The following PARD3 variants were observed in gnomAD, a reference collection of about 807,000 sequenced individuals.
The protein encoded by PARD3 is par-3 family cell polarity regulator, also known as partitioning defective 3 homolog.
Under a neutral mutation model 155.4 loss-of-function variants are expected in PARD3, and 75 were observed. The observed-to-expected ratio is 0.48, with a 90% CI of 0.40 to 0.58. The LOEUF (loss-of-function observed/expected upper bound fraction) is 0.58. Ranked by LOEUF, PARD3 falls within the 20% of genes least tolerant of loss-of-function variation. PARD3 has a pLI of 0.00. For synonymous variants in PARD3, 576 were observed against 610.5 expected (o/e 0.94, Z 0.83); for missense variants, 1,642 against 1,721.7 (o/e 0.95, Z 0.82).
At chr10:34,429,345 C>T (rs1312625093) in intron 5 of PARD3, among the ~76,000 whole-genome samples, 1 of 151,654 alleles carries the variant, frequency 6.6e-6, no homozygotes, top group Non-Finnish European at 1.5e-5. Flanking sequence ...TTAAGCAAAA[C>T]TTAACCTAGA....
rs989225229 is a variant in PARD3 at position 34,263,448 on chromosome 10, G to T, written c.3419+6209C>A. 7.9e-5 allele frequency among the ~76,000 whole-genome samples: 12 copies of T among 152,088 alleles called. 1 individual carries two copies. Among genetic ancestry groups the T allele is most frequent in the Non-Finnish European group, 1.6e-4 (11 of 68,024 alleles). ...GAGGCAGGTGGATCACTTGAGCCCA[G>T]GAGTTTGAGACCAGCCTGGGCAACA... On this transcript the variant is annotated intron_variant, in intron 22 of 24. Coordinates refer to ENST00000374788, the MANE Select transcript of PARD3 (RefSeq NM_001184785.2).
chr10:34,794,253 C>A (rs1220872178), intron 1 of PARD3, among the ~76,000 whole-genome samples: 1 of 152,156 alleles, frequency 6.6e-6, no homozygotes, highest in Non-Finnish European at 1.5e-5. Context: ...ATTTTTCTGC[C>A]TCTGCTGAGG....
At position 34,710,005 on chromosome 10, in the gene PARD3, G is replaced by T. The variant is rs561736318; in HGVS notation, c.121-13586C>A. Among the ~76,000 whole-genome samples, 24 of 152,202 alleles carry T rather than the reference G, an allele frequency of 1.6e-4. No homozygotes were observed. In the East Asian group the frequency reaches 4.2e-3, roughly 27 times the overall value. On this transcript the variant is annotated intron_variant, in intron 1 of 24. Transcript: ENST00000374788. ...TTTGCACACATTTTTGGAGAGGCGG[G>T]GGGACAGGGAGCTAGAATTTGGTAC...
At chr10:34,454,547 T>A (rs1214134704) in intron 4 of PARD3, among the ~76,000 whole-genome samples, 3 of 152,182 alleles carry the variant, frequency 2.0e-5, no homozygotes, top group Non-Finnish European at 4.4e-5. Context: ...TACATAATTC[T>A]AATGATTATA....
chr10:34,219,596 C>T (rs139669482), intron 22 of PARD3, among the ~76,000 whole-genome samples: 1 of 152,300 alleles, frequency 6.6e-6, no homozygotes, highest in Non-Finnish European at 1.5e-5. Context: ...GTTAATTTAG[C>T]AGGCCTCCTG....
intron 1 of PARD3, among the ~76,000 whole-genome samples, chr10:34,782,263 T>C (rs1840326733): frequency 6.6e-6 from 1 of 152,196 alleles, no homozygotes; most frequent in South Asian, 2.1e-4. Flanking sequence ...GAGCTATACC[T>C]GTAAGGAAAG....
chr10:34,614,330 T>C (rs192051023), intron 2 of PARD3, among the ~76,000 whole-genome samples: 16 of 152,150 alleles, frequency 1.1e-4, no homozygotes, highest in Admixed American at 2.0e-4. Flanking sequence ...TGGAAACTAA[T>C]TGAAAATATC....
At chr10:34,578,769 A>G (rs2087120880) in intron 2 of PARD3, among the ~76,000 whole-genome samples, 1 of 152,214 alleles carries the variant, frequency 6.6e-6, no homozygotes, top group Non-Finnish European at 1.5e-5. Context: ...CTGAGGGAAC[A>G]CATTACCTAC....
At chr10:34,677,578 T>C (rs2093732473) in intron 2 of PARD3, among the ~76,000 whole-genome samples, 1 of 152,118 alleles carries the variant, frequency 6.6e-6, no homozygotes, top group Non-Finnish European at 1.5e-5. Context: ...GTGTCCATTC[T>C]ATAAACCATT....
At chr10:34,693,516 T>A (rs2094108913) in intron 2 of PARD3, among the ~76,000 whole-genome samples, 1 of 152,138 alleles carries the variant, frequency 6.6e-6, no homozygotes, top group Non-Finnish European at 1.5e-5. Context: ...AACCAAATAA[T>A]GCATGATCTC....
At chr10:34,701,625 T>C (rs2094281057) in intron 1 of PARD3, among the ~76,000 whole-genome samples, 1 of 151,984 alleles carries the variant, frequency 6.6e-6, no homozygotes, top group Admixed American at 6.6e-5. Context: ...CCAGGCACGG[T>C]AGTTTATGCC....
intron 1 of PARD3, among the ~76,000 whole-genome samples, chr10:34,789,645 C>T (rs1841407131): frequency 6.6e-6 from 1 of 152,072 alleles, no homozygotes; most frequent in Non-Finnish European, 1.5e-5. Context: ...TCAAGTCCAC[C>T]ATGAGCTCTG....
intron 3 of PARD3, among the ~76,000 whole-genome samples, chr10:34,504,293 T>C (rs2080905497): frequency 6.6e-6 from 1 of 152,042 alleles, no homozygotes; most frequent in Non-Finnish European, 1.5e-5. Flanking sequence ...TTTGTATTTT[T>C]TACTCTTTTT....
intron 2 of PARD3, among the ~76,000 whole-genome samples, chr10:34,628,044 C>T (rs1016432462): frequency 6.6e-6 from 1 of 152,130 alleles, no homozygotes; most frequent in African/African-American, 2.4e-5. Context: ...CTGCCCCACT[C>T]TCCTGGGATT....
At chr10:34,567,884 TTG>T (rs141426579) in intron 2 of PARD3, among the ~76,000 whole-genome samples, 4,460 of 152,304 alleles carry the variant, frequency 0.029, 217 homozygotes, top group African/African-American at 0.1. Flanking sequence ...GATGTAATTG[TTG>T]TAGGCTCTAG....
intron 5 of PARD3, among the ~76,000 whole-genome samples, chr10:34,420,422 A>T (rs1846076716): frequency 1.3e-5 from 2 of 152,198 alleles, no homozygotes; most frequent in Non-Finnish European, 2.9e-5. Context: ...TATACATAGG[A>T]GACAGATGCC....
At chr10:34,201,023 C>T (rs1220484671) in intron 22 of PARD3, among the ~76,000 whole-genome samples, 1 of 152,162 alleles carries the variant, frequency 6.6e-6, no homozygotes, top group Non-Finnish European at 1.5e-5. Context: ...GACACACGCA[C>T]CTGCCAAATT....
At position 34,683,229 on chromosome 10, in the gene PARD3, G is replaced by A. The variant is rs371287090; in HGVS notation, c.222+13089C>T. On this transcript the variant is annotated intron_variant, in intron 2 of 24. Coordinates refer to ENST00000374788, the MANE Select transcript of PARD3 (RefSeq NM_001184785.2). ...AAAGATGGAAACGATGGACACTGGC[G>A]ACTCCAAAAGTGGGAGGCGGGGAGA... Among the ~76,000 whole-genome samples the A allele has an allele frequency of 8.3e-4, 126 of 152,110 alleles. 2 individuals are homozygous for A. Among genetic ancestry groups the A allele is most frequent in the African/African-American group, 2.9e-3 (121 of 41,472 alleles).
At chr10:34,400,436 T>C (rs1186630421) in intron 6 of PARD3, among the ~76,000 whole-genome samples, 1 of 152,236 alleles carries the variant, frequency 6.6e-6, no homozygotes, top group Non-Finnish European at 1.5e-5. Context: ...TTCTAAACTA[T>C]TTAAATGAGA....
Sources: allele counts gnomAD v4.1 joint callset (sites outside exome capture counted in the v4.1 genomes callset), GRCh38; gene constraint gnomAD v4.1.1; transcripts MANE v1.5; gene names NCBI Gene and HGNC (gene_info 2026-07-23, HGNC 2026-07-21).